Variants in HMGCL observed in about 807,000 individuals in gnomAD.
HMGCL encodes 3-hydroxy-3-methylglutaryl-CoA lyase.
In HMGCL, 26 loss-of-function variants were observed where a neutral mutation model predicts 37.3. That is an observed-to-expected ratio of 0.70 (90% CI 0.51 to 0.97). The LOEUF (loss-of-function observed/expected upper bound fraction) is 0.97. Among genes scored for constraint, HMGCL ranks in the 50% least tolerant of loss-of-function variants. The pLI, the probability that HMGCL is intolerant of heterozygous loss-of-function variation, is 0.00. For synonymous variants in HMGCL, 151 were observed against 148.0 expected (o/e 1.02, Z -0.15); for missense variants, 379 against 398.1 (o/e 0.95, Z 0.41).
In HMGCL at chr1:23,802,167, T is replaced by C; in HGVS notation, c.*296A>G. 1 of 592,030 alleles carries C rather than the reference T, an allele frequency of 1.7e-6. No homozygotes were observed. The highest frequency in any genetic ancestry group is 3.0e-6 in the Non-Finnish European group (1 of 333,068). 36.7% of individuals were successfully genotyped at this position (592,030 alleles called of 1,614,324 possible). On this transcript the variant is annotated 3_prime_UTR_variant, in exon 9 of 9. Transcript: ENST00000374490. The stretch of plus-strand genomic sequence containing the variant: ...GAGGAGACTCAAGGATCATGCTAAG[T>C]AGGGAACGGGGTTCCCACACGTCCT...
intron 2 of HMGCL, among the ~76,000 whole-genome samples, chr1:23,818,386 C>T (rs559241395): frequency 2.6e-5 from 4 of 152,194 alleles, no homozygotes; most frequent in South Asian, 2.1e-4. Context: ...CCTGGGAAGT[C>T]GAGGCTGCAG....
intron 6 of HMGCL, 24 bp from the exon 7 acceptor site, chr1:23,808,347 G>A: frequency 6.2e-7 from 1 of 1,606,444 alleles, no homozygotes; most frequent in Non-Finnish European, 8.5e-7. Flanking sequence ...CAGGCACTTG[G>A]AGGATACAGA....
chr1:23,802,769 T>C (rs1638309380), intron 8 of HMGCL, among the ~76,000 whole-genome samples: 1 of 152,194 alleles, frequency 6.6e-6, no homozygotes, highest in South Asian at 2.1e-4. Flanking sequence ...TCATGTAAGA[T>C]GCCCAATCTC....
At chr1:23,825,299 A>C in intron 1 of HMGCL, 57 bp downstream of exon 1, 2 of 1,420,894 alleles carry the variant, frequency 1.4e-6, no homozygotes, top group Non-Finnish European at 9.7e-7. Flanking sequence ...CCAAGCCCCC[A>C]ACCCTGACAG....
rs1638702405 is a variant in HMGCL, at chr1:23,820,642, A to C, written c.61-49T>G. 3 of 1,235,142 alleles carry C rather than the reference A, an allele frequency of 2.4e-6. No homozygotes were observed. The African/African-American group carries it at 4.5e-5, about 18-fold the overall frequency. 76.5% of individuals were successfully genotyped at this position (1,235,142 alleles called of 1,614,324 possible). A position where few individuals can be genotyped will look rare whatever the true frequency, so the allele number is the denominator to read the frequency against. On this transcript the variant is annotated intron_variant, in intron 1 of 8. Transcript: ENST00000374490. ...AAAGTATGAGGAAGAGATTGCCACAATTCCCAGGGAGACCAATATGAAAGA... is the reference window on the plus strand; with the variant it reads ...AAAGTATGAGGAAGAGATTGCCACACTTCCCAGGGAGACCAATATGAAAGA...
chr1:23,810,902 A>C, intron 5 of HMGCL, 103 bp from the exon 6 acceptor site: 2 of 882,580 alleles, frequency 2.3e-6, no homozygotes, highest in Non-Finnish European at 3.8e-6. Flanking sequence ...GTGTGCAATC[A>C]ACACCTGCAG....
At chr1:23,804,876 A>ACCCCCCCCCCCCCCCTCCCCCCTCCCC (rs138996016) in intron 7 of HMGCL, among the ~76,000 whole-genome samples, 1 of 61,286 alleles carries the variant, frequency 1.6e-5, no homozygotes, top group African/African-American at 7.0e-5. Context: ...TTCATTTATT[A>ACCCCCCCCCCCCCCCTCCCCCCTCCCC]CCCCCCCCCC....
rs1421735666 is a variant in HMGCL at position 23,804,606 on chromosome 1, G to T, written c.751-81C>A. 4.1e-6 allele frequency: 6 copies of T among 1,467,232 alleles called. No individual in the cohort carries two copies. The South Asian group carries it at 6.9e-5, about 17-fold the overall frequency. 90.9% of individuals were successfully genotyped at this position (1,467,232 alleles called of 1,614,324 possible). A position where few individuals can be genotyped will look rare whatever the true frequency, so the allele number is the denominator to read the frequency against. On this transcript the variant is annotated intron_variant, in intron 7 of 8. Transcript: ENST00000374490. ...GATGAGCCTTGCAAACCTCCCAATCGTCTGTTGCCTGAAATTCTAGAGTCA... is the reference window on the plus strand; with the variant it reads ...GATGAGCCTTGCAAACCTCCCAATCTTCTGTTGCCTGAAATTCTAGAGTCA...
chr1:23,802,794 G>T (rs1638310064), intron 8 of HMGCL, among the ~76,000 whole-genome samples: 1 of 152,200 alleles, frequency 6.6e-6, no homozygotes, highest in African/African-American at 2.4e-5. Context: ...ATGGTTTGTA[G>T]TGCCACTACC....
chr1:23,808,355 A>T, intron 6 of HMGCL, 32 bp from the exon 7 acceptor site: 1 of 1,573,860 alleles, frequency 6.4e-7, no homozygotes, highest in Non-Finnish European at 8.7e-7. Flanking sequence ...TGGAGGATAC[A>T]GAATCCACCA....
intron 7 of HMGCL, chr1:23,807,172 C>A (rs531367385): frequency 2.7e-5 from 14 of 519,030 alleles, no homozygotes; most frequent in South Asian, 1.8e-4. Flanking sequence ...TGCAGAATTC[C>A]CCTTTACCTG....
intron 7 of HMGCL, 39 bp from the exon 8 acceptor site, chr1:23,804,564 G>A: frequency 6.2e-7 from 1 of 1,612,714 alleles, no homozygotes. Flanking sequence ...TTGTTGCTGG[G>A]GACAAGAGGC....
chr1:23,803,536 A>G (rs1026558440), intron 8 of HMGCL: 8 of 152,208 alleles, frequency 5.3e-5, no homozygotes, highest in African/African-American at 1.4e-4. Flanking sequence ...GTGTTTCACC[A>G]TATTGGCCAG....
chr1:23,815,863 C>A (rs1638602821), intron 4 of HMGCL, among the ~76,000 whole-genome samples: 1 of 151,070 alleles, frequency 6.6e-6, no homozygotes, highest in South Asian at 2.1e-4. Flanking sequence ...AAAAAAAAAA[C>A]TTTGATTTTC....
intron 7 of HMGCL, among the ~76,000 whole-genome samples, 186 bp downstream of exon 7, chr1:23,807,949 T>C (rs1638442486): frequency 6.6e-6 from 1 of 152,176 alleles, no homozygotes; most frequent in Non-Finnish European, 1.5e-5. Context: ...TGTAACTCCC[T>C]TGACTGTCTC....
intron 6 of HMGCL, 136 bp downstream of exon 6, chr1:23,810,600 G>T: frequency 4.0e-6 from 3 of 747,264 alleles, no homozygotes; most frequent in Non-Finnish European, 7.2e-6. Context: ...CTCACAGCAG[G>T]AGCTTAATGA....
chr1:23,804,455 C>T lies in HMGCL; in HGVS notation c.821G>A (p.Gly274Glu). 2 of 1,614,166 alleles carry T rather than the reference C, an allele frequency of 1.2e-6. No homozygotes were observed. The highest frequency in any genetic ancestry group is 1.7e-6 in the Non-Finnish European group (2 of 1,180,020). ...GGCPYAQGAS[G>E]NLATEDLVYM... ...GACCAGGTCTTCTGTGGCCAAGTTT[C>T]CTGATGCCCCCTGTGCGTAGGGACA... Residue 274 changes from glycine (G) to glutamate (E), a missense_variant, in exon 8 of 9, where the codon GGA becomes GAA. By Grantham distance (98) the Gly-to-Glu change is moderately conservative (BLOSUM62 -2). Coordinates refer to ENST00000374490, the MANE Select transcript of HMGCL (RefSeq NM_000191.3).
Position 23,817,569 on chromosome 1 carries a change from A to T in HMGCL, c.159T>A (p.Thr53=), listed in dbSNP as rs1638634324. The change falls in exon 3 of 9, where the codon ACT becomes ACA. Residue 53 remains threonine, a synonymous_variant. Transcript: ENST00000374490. ...TGTCTATCAGCTTGATTTTCACTGG[A>T]GTAGATACGATATTCTATAGTGGAG... ...GLQNEKNIVS[T]PVKIKLIDML... 1 of 1,606,650 alleles carries T rather than the reference A, an allele frequency of 6.2e-7. No individual in the cohort carries two copies. Among genetic ancestry groups the T allele is most frequent in the African/African-American group, 1.3e-5 (1 of 74,778 alleles).
chr1:23,802,949 A>G (rs998411960), intron 8 of HMGCL, among the ~76,000 whole-genome samples: 1 of 152,244 alleles, frequency 6.6e-6, no homozygotes, highest in African/African-American at 2.4e-5. Context: ...AAAGGGCCAG[A>G]CAGAAACCCT....
Sources: gnomAD v4.1 joint callset for allele counts (sites outside exome capture counted in the v4.1 genomes callset) on GRCh38, gnomAD v4.1.1 for gene constraint, MANE v1.5 for transcripts, NCBI Gene and HGNC (gene_info 2026-07-23, HGNC 2026-07-21) for gene names.